ZDHHC2: variants seen among roughly 807,000 people sequenced by gnomAD.
ZDHHC2 encodes zDHHC palmitoyltransferase 2, also known as palmitoyltransferase ZDHHC2.
ZDHHC2 carries 51 observed loss-of-function variants against 55.6 expected under a neutral mutation model. That is an observed-to-expected ratio of 0.92 (90% CI 0.73 to 1.16). The LOEUF is 1.16. Among genes scored for constraint, ZDHHC2 ranks in the 50% most tolerant of loss-of-function variants. The pLI, the probability that ZDHHC2 is intolerant of heterozygous loss-of-function variation, is 0.00. For synonymous variants in ZDHHC2, 199 were observed against 152.9 expected (o/e 1.30, Z -2.22); for missense variants, 491 against 442.4 (o/e 1.11, Z -0.99).
rs537588474 is a variant in ZDHHC2 at position 17,220,890 on chromosome 8, G to A, written c.*669G>A. ...GGACATTGAAGCTTGAGCTCTCAAA[G>A]CAGTTGGCTGGAATACTTTTGTCAG... On this transcript the variant is annotated 3_prime_UTR_variant, in exon 13 of 13. Transcript: ENST00000262096. The A allele has an allele frequency of 6.6e-6, 1 of 152,276 alleles. No homozygotes were observed. Among genetic ancestry groups the A allele is most frequent in the East Asian group, 1.9e-4 (1 of 5,184 alleles). 9.4% of individuals were successfully genotyped at this position (152,276 alleles called of 1,614,324 possible).
chr8:17,184,870 G>A (rs1238338492), intron 2 of ZDHHC2, 55 bp downstream of exon 2: 5 of 1,428,784 alleles, frequency 3.5e-6, no homozygotes, highest in South Asian at 2.7e-5. Context: ...AAAAAAAATT[G>A]TATTCACTTA....
chr8:17,195,051 T>C lies in ZDHHC2; in HGVS notation c.253-453T>C, dbSNP rs192791924. Among the ~76,000 whole-genome samples the C allele has an allele frequency of 3.7e-4, 56 of 152,300 alleles. No homozygotes were observed. In the East Asian group the frequency reaches 9.1e-3, roughly 25 times the overall value. The stretch of plus-strand genomic sequence containing the variant: ...TTTAGAAGTGCTGGGGGAGATTTTA[T>C]GTAAGGATTATCCCTAAGTTAAAAC... On this transcript the variant is annotated intron_variant, in intron 3 of 12. Transcript: ENST00000262096.
intron 1 of ZDHHC2, among the ~76,000 whole-genome samples, chr8:17,172,402 GT>G (rs1439245633): frequency 6.6e-6 from 1 of 152,196 alleles, no homozygotes; most frequent in Non-Finnish European, 1.5e-5. Flanking sequence ...AAGAGAGACC[GT>G]TTGGTGGTTG....
chr8:17,187,827 T>C (rs1183903573), intron 3 of ZDHHC2, among the ~76,000 whole-genome samples: 1 of 152,206 alleles, frequency 6.6e-6, no homozygotes, highest in Non-Finnish European at 1.5e-5. Flanking sequence ...TTCAAACTTA[T>C]GTATCCCCCT....
At chr8:17,195,737 G>A in intron 4 of ZDHHC2, 113 bp downstream of exon 4, 1 of 1,404,036 alleles carries the variant, frequency 7.1e-7, no homozygotes, top group Admixed American at 2.1e-5. Flanking sequence ...TCAGAATGCT[G>A]TGTTATTTCT....
At chr8:17,184,953 C>T (rs1325119659) in intron 2 of ZDHHC2, 138 bp downstream of exon 2, 1 of 732,910 alleles carries the variant, frequency 1.4e-6, no homozygotes, top group Non-Finnish European at 2.1e-6. Flanking sequence ...TCTCATTTCT[C>T]TTAAGTTTGC....
intron 1 of ZDHHC2, among the ~76,000 whole-genome samples, chr8:17,163,282 C>T (rs1804442883): frequency 6.6e-6 from 1 of 152,152 alleles, no homozygotes; most frequent in African/African-American, 2.4e-5. Context: ...CTGGTAACAG[C>T]GGGTCCAGTG....
At chr8:17,199,638 C>CCTTTCTTCT (rs1563161820) in intron 6 of ZDHHC2, among the ~76,000 whole-genome samples, 2 of 45,620 alleles carry the variant, frequency 4.4e-5, no homozygotes, top group African/African-American at 1.0e-4. Flanking sequence ...TCTTCTTCTT[C>CCTTTCTTCT]TCCTCCTCCT....
intron 1 of ZDHHC2, among the ~76,000 whole-genome samples, chr8:17,162,281 G>A (rs956740683): frequency 2.6e-5 from 4 of 152,198 alleles, no homozygotes; most frequent in African/African-American, 7.2e-5. Flanking sequence ...AATGTTGAAT[G>A]AATTAATCTC....
intron 2 of ZDHHC2, among the ~76,000 whole-genome samples, chr8:17,186,018 G>T (rs976203251): frequency 6.6e-6 from 1 of 152,152 alleles, no homozygotes; most frequent in Non-Finnish European, 1.5e-5. Flanking sequence ...ATTTGGAGGC[G>T]TAACTGCCTC....
chr8:17,162,024 T>C (rs531035825), intron 1 of ZDHHC2, among the ~76,000 whole-genome samples: 1 of 152,328 alleles, frequency 6.6e-6, no homozygotes, highest in South Asian at 2.1e-4. Flanking sequence ...TTCAAATGTA[T>C]AAAACATGAT....
At chr8:17,203,063 C>CGTT (rs374084141) in intron 6 of ZDHHC2, among the ~76,000 whole-genome samples, 2 of 126,824 alleles carry the variant, frequency 1.6e-5, no homozygotes, top group Non-Finnish European at 3.1e-5. Context: ...TGTCCAAAGT[C>CGTT]TTTTTTTTTT....
At chr8:17,209,363 A>G (rs1807260605) in intron 8 of ZDHHC2, among the ~76,000 whole-genome samples, 2 of 152,158 alleles carry the variant, frequency 1.3e-5, no homozygotes, top group African/African-American at 2.4e-5. Flanking sequence ...GCATGGTGGC[A>G]TGACACCTGT....
intron 1 of ZDHHC2, among the ~76,000 whole-genome samples, chr8:17,172,753 T>C (rs548650570): frequency 1.3e-5 from 2 of 152,160 alleles, no homozygotes; most frequent in African/African-American, 4.8e-5. Flanking sequence ...TGTGCCTGTG[T>C]AGTACAAATT....
At chr8:17,192,117 G>A (rs1472937406) in intron 3 of ZDHHC2, among the ~76,000 whole-genome samples, 1 of 152,094 alleles carries the variant, frequency 6.6e-6, no homozygotes. Context: ...CTAAGTAGCT[G>A]TGACTACAGG....
At chr8:17,196,547 C>T (rs1806320480) in intron 4 of ZDHHC2, among the ~76,000 whole-genome samples, 2 of 150,882 alleles carry the variant, frequency 1.3e-5, no homozygotes, top group African/African-American at 4.9e-5. Context: ...GAGTGAGACC[C>T]TGTCTCTAAA....
chr8:17,205,576 G>A, intron 6 of ZDHHC2, 79 bp from the exon 7 acceptor site: 1 of 1,407,114 alleles, frequency 7.1e-7, no homozygotes, highest in Non-Finnish European at 9.3e-7. Context: ...GTGAGAGGAA[G>A]CTAAACACTT....
chr8:17,158,328 C>G (rs1804167651), intron 1 of ZDHHC2, among the ~76,000 whole-genome samples: 1 of 152,216 alleles, frequency 6.6e-6, no homozygotes, highest in South Asian at 2.1e-4. Flanking sequence ...CTCTTAAAAA[C>G]AGTGACCAGT....
chr8:17,187,384 TAAC>T (rs1805767068), intron 3 of ZDHHC2, among the ~76,000 whole-genome samples: 1 of 151,988 alleles, frequency 6.6e-6, no homozygotes, highest in Admixed American at 6.6e-5. Context: ...CTAACTCTAA[TAAC>T]AGTGTAGTTT....
Sources: allele counts gnomAD v4.1 joint callset (sites outside exome capture counted in the v4.1 genomes callset), GRCh38; gene constraint gnomAD v4.1.1; transcripts MANE v1.5; gene names NCBI Gene and HGNC (gene_info 2026-07-23, HGNC 2026-07-21).